Variants in EDEM3 observed in about 807,000 individuals in gnomAD.
EDEM3 encodes the protein ER degradation enhancing alpha-mannosidase like protein 3, also known as ER degradation-enhancing alpha-mannosidase-like protein 3.
Under a neutral mutation model 110.2 loss-of-function variants are expected in EDEM3, and 60 were observed. That is an observed-to-expected ratio of 0.54 (90% CI 0.44 to 0.67). The LOEUF (loss-of-function observed/expected upper bound fraction) is 0.67, where lower values mean the gene tolerates loss of function less well. Ranked by LOEUF, EDEM3 falls within the 30% of genes least tolerant of loss-of-function variation. EDEM3 has a pLI of 0.00. For synonymous variants in EDEM3, 352 were observed against 382.9 expected, an observed-to-expected ratio of 0.92 and a Z score of 0.94; for missense variants, 996 against 1,121.0, an observed-to-expected ratio of 0.89 and a Z score of 1.59.
chr1:184,703,098 T>C (rs772633921), intron 18 of EDEM3, 102 bp from the exon 19 acceptor site: 10 of 985,162 alleles, frequency 1.0e-5, no homozygotes, highest in Non-Finnish European at 1.1e-5. Flanking sequence ...ATTAATTTTA[T>C]GCATCAAGAA....
rs572827062 is a variant in EDEM3, at chr1:184,754,426, A to G, written c.158+63T>C. 41 of 1,602,192 alleles carry G rather than the reference A, an allele frequency of 2.6e-5. No individual in the cohort carries two copies. In the African/African-American group the frequency reaches 5.3e-4, roughly 21 times the overall value. ...GCCACTACGCGACCGGGTCGCAATG[A>G]CAGGCACCCCTCCTGTTGTCAGCCT... On this transcript the variant is annotated intron_variant, in intron 1 of 19. Transcript: ENST00000318130.
In EDEM3 at chr1:184,693,328, A is replaced by G. The variant is rs918945579; in HGVS notation, c.*735T>C. On this transcript the variant is annotated 3_prime_UTR_variant, in exon 20 of 20. Coordinates refer to ENST00000318130, the MANE Select transcript of EDEM3 (RefSeq NM_025191.4). ...TTTCTCCCTTACTCCATTTTTCAGA[A>G]GTATTAAGTAAGCAATCTCCACAAT... 5.9e-5 allele frequency: 9 copies of G among 153,618 alleles called. No homozygotes were observed. Among genetic ancestry groups the G allele is most frequent in the African/African-American group, 2.2e-4 (9 of 41,490 alleles). 9.5% of individuals were successfully genotyped at this position (153,618 alleles called of 1,614,324 possible).
intron 2 of EDEM3, among the ~76,000 whole-genome samples, chr1:184,738,167 A>G (rs1651937513): frequency 6.6e-6 from 1 of 152,232 alleles, no homozygotes; most frequent in African/African-American, 2.4e-5. Flanking sequence ...CTATTCTAAT[A>G]ACTACAAACT....
At chr1:184,716,758 A>G in intron 13 of EDEM3, 130 bp downstream of exon 13, 1 of 1,329,846 alleles carries the variant, frequency 7.5e-7, no homozygotes, top group Non-Finnish European at 1.0e-6. Context: ...AGTTTAAAAA[A>G]GTAAACACAA....
At chr1:184,718,838 G>A (rs1043051363) in intron 11 of EDEM3, among the ~76,000 whole-genome samples, 14 of 152,042 alleles carry the variant, frequency 9.2e-5, no homozygotes, top group Non-Finnish European at 1.8e-4. Flanking sequence ...GTACATACAA[G>A]AGTTAGAATG....
intron 2 of EDEM3, among the ~76,000 whole-genome samples, chr1:184,748,069 T>G (rs575831059): frequency 6.6e-6 from 1 of 152,256 alleles, no homozygotes; most frequent in Non-Finnish European, 1.5e-5. Flanking sequence ...ATTTGTTAAA[T>G]TATGCTTTGC....
intron 19 of EDEM3, among the ~76,000 whole-genome samples, chr1:184,694,780 T>A (rs552667486): frequency 6.6e-6 from 1 of 152,142 alleles, no homozygotes; most frequent in African/African-American, 2.4e-5. Context: ...CCAATAATAA[T>A]ATTAAAATAT....
rs1558059100 is a variant in EDEM3 at position 184,726,256 on chromosome 1, T to C, written c.746A>G (p.Glu249Gly). 4 of 1,613,052 alleles carry C rather than the reference T, an allele frequency of 2.5e-6. No individual in the cohort carries two copies. The highest frequency in any genetic ancestry group is 3.4e-6 in the Non-Finnish European group (4 of 1,179,448). ...TATCAAAGACCGTAAAAAGCAAACC[T>C]CAAATATTGTTGCTCCTGTGAATCG... ...LSRFTGATIF[E>G]EYARKALDFL... The change falls in exon 7 of 20, where the codon GAG becomes GGG. Residue 249 changes from glutamate to glycine, a missense_variant and splice_region_variant. Glu to Gly is a moderately conservative substitution (Grantham distance 98, BLOSUM62 -2). Transcript: ENST00000318130.
chr1:184,753,184 T>C (rs1229636758), intron 1 of EDEM3, among the ~76,000 whole-genome samples: 6 of 151,140 alleles, frequency 4.0e-5, no homozygotes, highest in Admixed American at 1.3e-4. Flanking sequence ...TTCGTTCCAC[T>C]TTTTTTCTGA....
At chr1:184,749,615 G>GTA in intron 1 of EDEM3, 23 bp from the exon 2 acceptor site, 4 of 1,086,168 alleles carry the variant, frequency 3.7e-6, no homozygotes, top group Non-Finnish European at 4.8e-6. Context: ...GAGCAGAAAT[G>GTA]GAAAAAAAAA....
rs16823401 is a variant in EDEM3 at position 184,697,080 on chromosome 1, C to T, written c.2390-2608G>A. The stretch of plus-strand genomic sequence containing the variant: ...ATTTGGTAAGAAGACTATGCAAATA[C>T]CAATAACTCCTTTGTAGTAACAATA... On this transcript the variant is annotated intron_variant, in intron 19 of 19. Transcript: ENST00000318130. Among the ~76,000 whole-genome samples the T allele has an allele frequency of 1.4e-3, 219 of 151,764 alleles. 4 individuals carry two copies. The East Asian group carries it at 0.038, about 27-fold the overall frequency.
At chr1:184,711,640 C>T in intron 15 of EDEM3, 83 bp downstream of exon 15, 1 of 1,288,156 alleles carries the variant, frequency 7.8e-7, no homozygotes. Context: ...GTCTTCTTGG[C>T]TGTTGATACA....
In EDEM3 at chr1:184,693,410, C is replaced by T. The variant is rs1037722164; in HGVS notation, c.*653G>A. 1 of 152,476 alleles carries T rather than the reference C, an allele frequency of 6.6e-6. No individual in the cohort carries two copies. The highest frequency in any genetic ancestry group is 2.4e-5 in the African/African-American group (1 of 41,386). The allele number at this position is 152,476 out of a possible 1,614,324, so 9.4% of individuals were successfully genotyped here. ...GATTAGTCTTTATGCAGAGAACTCA[C>T]TGAGAAAGTACACTGGCTTCACCTT... On this transcript the variant is annotated 3_prime_UTR_variant, in exon 20 of 20. Transcript: ENST00000318130.
chr1:184,738,306 GC>G (rs1261612893), intron 2 of EDEM3, among the ~76,000 whole-genome samples: 2 of 152,000 alleles, frequency 1.3e-5, no homozygotes, highest in African/African-American at 4.8e-5. Context: ...AAAAACTGAG[GC>G]CCAGAGAAGT....
Position 184,719,191 on chromosome 1 carries a change from C to T in EDEM3, c.1132G>A (p.Val378Met), listed in dbSNP as rs1302883222. Reference protein sequence around the residue: ...AIETHEMLYQVIKKHNFLPEA... With the variant: ...AIETHEMLYQMIKKHNFLPEA... ...GGTAGAAAATTGTGTTTTTTAATCA[C>T]CTGATATAACATTTCATGAGTTTCA... The change falls in exon 11 of 20, where the codon GTG becomes ATG. Residue 378 changes from valine (V) to methionine (M), a missense_variant. Coordinates refer to ENST00000318130, the MANE Select transcript of EDEM3 (RefSeq NM_025191.4). 1.9e-6 allele frequency: 3 copies of T among 1,571,938 alleles called. No homozygotes were observed. Among genetic ancestry groups the T allele is most frequent in the Non-Finnish European group, 2.6e-6 (3 of 1,163,704 alleles).
intron 2 of EDEM3, among the ~76,000 whole-genome samples, chr1:184,747,997 G>T (rs1172930055): frequency 6.6e-6 from 1 of 152,134 alleles, no homozygotes; most frequent in Non-Finnish European, 1.5e-5. Flanking sequence ...GCATTTATGA[G>T]ATGGCTAAGG....
intron 2 of EDEM3, among the ~76,000 whole-genome samples, chr1:184,748,306 G>T (rs1244150512): frequency 1.3e-5 from 2 of 152,028 alleles, no homozygotes; most frequent in African/African-American, 4.8e-5. Flanking sequence ...AATTAGCCAG[G>T]CATGGTGGCA....
chr1:184,704,213 A>G (rs1649785327), intron 18 of EDEM3, among the ~76,000 whole-genome samples: 2 of 152,182 alleles, frequency 1.3e-5, no homozygotes, highest in African/African-American at 4.8e-5. Flanking sequence ...CATGATTTCT[A>G]AGATAATTCG....
rs1652988466 is a variant in EDEM3 at position 184,754,590 on chromosome 1, C to A, written c.57G>T (p.Trp19Cys). The A allele has an allele frequency of 2.5e-6, 4 of 1,611,484 alleles. No homozygotes were observed. The highest frequency in any genetic ancestry group is 2.5e-6 in the Non-Finnish European group (3 of 1,179,196). The change falls in exon 1 of 20, where the codon TGG (tryptophan) becomes TGT (cysteine). Residue 19 changes from tryptophan (W) to cysteine (C), a missense_variant. Trp to Cys is a radical substitution (Grantham distance 215). Transcript: ENST00000318130. ...ACGCGGCCGTCGCCGCCACTAGTCT[C>A]CATCGCGCTCGCTGGGGAACCGGGG... ...CGSPVPQRAR[W>C]RLVAATAAFC...
Sources: allele counts gnomAD v4.1 joint callset (sites outside exome capture counted in the v4.1 genomes callset), GRCh38; gene constraint gnomAD v4.1.1; transcripts MANE v1.5; gene names NCBI Gene and HGNC (gene_info 2026-07-23, HGNC 2026-07-21).